MBNL2: variants seen among roughly 807,000 people sequenced by gnomAD.
MBNL2 encodes the protein muscleblind like splicing regulator 2.
In MBNL2, 17 loss-of-function variants were observed where a neutral mutation model predicts 41.9. The observed-to-expected ratio is 0.41, with a 90% CI of 0.28 to 0.61. The LOEUF is 0.61. MBNL2 is among the 20% of genes least tolerant of loss of function. MBNL2 has a pLI of 0.35. For missense variants in MBNL2, 336 were observed against 505.6 expected, an observed-to-expected ratio of 0.66 and a Z score of 3.22; for synonymous variants, 195 against 182.9, an observed-to-expected ratio of 1.07 and a Z score of -0.53.
chr13:97,252,622 TAA>T (rs2046796508), intron 1 of MBNL2, among the ~76,000 whole-genome samples: 1 of 152,192 alleles, frequency 6.6e-6, no homozygotes, highest in Admixed American at 6.5e-5. Flanking sequence ...CTTATTTTTA[TAA>T]AGTTATTATA....
chr13:97,292,486 G>A (rs1277180450), intron 2 of MBNL2, among the ~76,000 whole-genome samples: 1 of 152,126 alleles, frequency 6.6e-6, no homozygotes, highest in Non-Finnish European at 1.5e-5. Flanking sequence ...ATCTTGGTTC[G>A]TCTTGAGATT....
At chr13:97,149,610 G>A in the MBNL2 span, among the ~76,000 whole-genome samples, 1 of 152,092 alleles carries the variant, frequency 6.6e-6, no homozygotes, top group Non-Finnish European at 1.5e-5. Context: ...AGCTTAAACA[G>A]GTAGTTCTTA....
the MBNL2 span, among the ~76,000 whole-genome samples, chr13:97,175,534 T>C: frequency 6.6e-6 from 1 of 152,142 alleles, no homozygotes; most frequent in Non-Finnish European, 1.5e-5. Context: ...GGTGGCCAAA[T>C]TGCTGAAGAT....
chr13:97,186,344 T>C, the MBNL2 span, among the ~76,000 whole-genome samples: 2 of 152,178 alleles, frequency 1.3e-5, no homozygotes, highest in East Asian at 3.8e-4. Flanking sequence ...AGTCATCTCA[T>C]CCACAAGCCT....
rs1566461286 is a variant in MBNL2, at chr13:97,393,862, G to A, written c.*2413G>A. On this transcript the variant is annotated 3_prime_UTR_variant, in exon 9 of 9. Coordinates refer to ENST00000679496, the MANE Select transcript of MBNL2 (RefSeq NM_001382683.1). ...AGTTCAACAAATACTGTAGTTAAGA[G>A]ACTAACTCTCCACTTGTATGGGAAC... 1 of 152,470 alleles carries A rather than the reference G, an allele frequency of 6.6e-6. No homozygotes were observed. The allele number at this position is 152,470 out of a possible 1,614,324, so 9.4% of individuals were successfully genotyped here. A position where few individuals can be genotyped will look rare whatever the true frequency, so the allele number is the denominator to read the frequency against.
intron 1 of MBNL2, among the ~76,000 whole-genome samples, chr13:97,257,143 T>C (rs947026295): frequency 1.3e-5 from 2 of 152,270 alleles, no homozygotes; most frequent in African/African-American, 4.8e-5. Context: ...AAAGGTATTA[T>C]TCAGACCCTA....
At chr13:97,187,916 A>C in the MBNL2 span, among the ~76,000 whole-genome samples, 2 of 151,950 alleles carry the variant, frequency 1.3e-5, no homozygotes, top group African/African-American at 2.4e-5. Context: ...CAAAAAAAAA[A>C]AAAAAGAAAC....
At chr13:97,218,444 A>AC (rs1555302255), upstream of MBNL2, among the ~76,000 whole-genome samples, 215 of 136,906 alleles carry the variant, frequency 1.6e-3, 1 homozygote, top group Middle Eastern at 7.9e-3. Context: ...ACAAAACAAA[A>AC]AAAAAAAACT....
the MBNL2 span, among the ~76,000 whole-genome samples, chr13:97,206,140 T>C: frequency 1.3e-5 from 2 of 152,212 alleles, no homozygotes; most frequent in African/African-American, 4.8e-5. Flanking sequence ...CAGTCATATC[T>C]ACAGTAATGA....
At chr13:97,213,171 A>G in the MBNL2 span, among the ~76,000 whole-genome samples, 1 of 152,336 alleles carries the variant, frequency 6.6e-6, no homozygotes, top group South Asian at 2.1e-4. Context: ...GCATCAAATA[A>G]AAGAGGTTGA....
intron 8 of MBNL2, among the ~76,000 whole-genome samples, chr13:97,374,295 C>T (rs1249188322): frequency 5.3e-5 from 8 of 151,436 alleles, no homozygotes; most frequent in African/African-American, 1.9e-4. Flanking sequence ...CTACAGGCGC[C>T]CGCCACTACG....
At chr13:97,348,094 T>TTTC (rs1285865938) in intron 5 of MBNL2, among the ~76,000 whole-genome samples, 2 of 138,810 alleles carry the variant, frequency 1.4e-5, no homozygotes, top group East Asian at 4.3e-4. Flanking sequence ...TTTTTTTTTT[T>TTTC]TTAAGACAAG....
At chr13:97,344,959 G>C (rs1198293551) in intron 4 of MBNL2, among the ~76,000 whole-genome samples, 1 of 152,200 alleles carries the variant, frequency 6.6e-6, no homozygotes, top group Non-Finnish European at 1.5e-5. Context: ...CCACACCTAT[G>C]ATGCTATCAG....
intron 7 of MBNL2, among the ~76,000 whole-genome samples, chr13:97,362,292 A>G (rs1281237818): frequency 2.0e-5 from 3 of 152,146 alleles, no homozygotes; most frequent in Admixed American, 2.0e-4. Context: ...AGCATTTTGG[A>G]TTTGGATTTT....
At chr13:97,377,565 T>A (rs923587595) in intron 8 of MBNL2, among the ~76,000 whole-genome samples, 2 of 152,222 alleles carry the variant, frequency 1.3e-5, no homozygotes, top group Non-Finnish European at 2.9e-5. Flanking sequence ...TATTTTTTCC[T>A]AGTAATAATT....
intron 1 of MBNL2, among the ~76,000 whole-genome samples, chr13:97,225,962 C>G (rs1049838346): frequency 6.6e-6 from 1 of 151,962 alleles, no homozygotes; most frequent in Non-Finnish European, 1.5e-5. Context: ...AAGACTTAAC[C>G]GGGCTTTGTA....
chr13:97,152,353 AAG>A, the MBNL2 span, among the ~76,000 whole-genome samples: 2 of 152,254 alleles, frequency 1.3e-5, no homozygotes, highest in South Asian at 4.1e-4. Flanking sequence ...TTCATAAAAA[AAG>A]AGAAAACAGA....
intron 2 of MBNL2, among the ~76,000 whole-genome samples, chr13:97,284,029 A>G (rs551587203): frequency 6.6e-6 from 1 of 152,312 alleles, no homozygotes; most frequent in South Asian, 2.1e-4. Context: ...TCCTCCAGCA[A>G]GATGCCTACA....
At chr13:97,241,622 G>A (rs2044295716) in intron 1 of MBNL2, among the ~76,000 whole-genome samples, 1 of 152,178 alleles carries the variant, frequency 6.6e-6, no homozygotes, top group Admixed American at 6.5e-5. Flanking sequence ...GTAATGAAGT[G>A]AAACAATCAT....
Sources: allele counts gnomAD v4.1 joint callset (sites outside exome capture counted in the v4.1 genomes callset), GRCh38; gene constraint gnomAD v4.1.1; transcripts MANE v1.5; gene names NCBI Gene and HGNC (gene_info 2026-07-23, HGNC 2026-07-21).